Variants in GRB10 observed in about 807,000 individuals in gnomAD.
GRB10 encodes growth factor receptor bound protein 10, also known as growth factor receptor-bound protein 10.
GRB10 carries 20 observed loss-of-function variants against 80.9 expected under a neutral mutation model. That is an observed-to-expected ratio of 0.25 (90% confidence interval 0.17 to 0.36). The LOEUF (loss-of-function observed/expected upper bound fraction) is 0.36. Ranked by LOEUF, GRB10 falls within the 10% of genes least tolerant of loss-of-function variation. The pLI, the probability that GRB10 is intolerant of heterozygous loss-of-function variation, is 1.00. For synonymous variants in GRB10, 291 were observed against 291.5 expected, an observed-to-expected ratio of 1.00 and a Z score of 0.02; for missense variants, 548 against 747.7, an observed-to-expected ratio of 0.73 and a Z score of 3.12.
chr7:50,624,131 C>T (rs1266190657), intron 8 of GRB10, among the ~76,000 whole-genome samples: 3 of 152,168 alleles, frequency 2.0e-5, no homozygotes, highest in Non-Finnish European at 4.4e-5. Context: ...TAGTATCTGC[C>T]TTATAGACTT....
At chr7:50,653,227 T>C (rs2058200445) in intron 7 of GRB10, among the ~76,000 whole-genome samples, 1 of 152,066 alleles carries the variant, frequency 6.6e-6, no homozygotes. Flanking sequence ...TGGGCCCCAG[T>C]GCATGCTCCG....
At chr7:50,607,487 G>A (rs1188248110) in intron 13 of GRB10, among the ~76,000 whole-genome samples, 1 of 152,230 alleles carries the variant, frequency 6.6e-6, no homozygotes, top group Admixed American at 6.5e-5. Flanking sequence ...AAGCGGGACA[G>A]TGACAAACAT....
In GRB10 at chr7:50,693,390, C is replaced by T. The variant is rs545669718; in HGVS notation, c.139+10431G>A. Among the ~76,000 whole-genome samples, 3 of 152,314 alleles carry T rather than the reference C, an allele frequency of 2.0e-5. No homozygotes were observed. The South Asian group carries it at 6.2e-4, about 32-fold the overall frequency. ...CTTCCCCTGTTACTAGAAAGGAAAG[C>T]ATTGCACCAAATACATTGCTACAAA... On this transcript the variant is annotated intron_variant, in intron 5 of 18. Coordinates refer to ENST00000401949, the MANE Select transcript of GRB10 (RefSeq NM_001350814.2).
intron 7 of GRB10, among the ~76,000 whole-genome samples, chr7:50,639,480 C>A (rs1434222114): frequency 6.7e-6 from 1 of 149,008 alleles, no homozygotes; most frequent in South Asian, 2.1e-4. Flanking sequence ...TCGAGATCAT[C>A]CTGGCTAACA....
At chr7:50,647,981 AGT>A (rs2153614095) in intron 7 of GRB10, among the ~76,000 whole-genome samples, 1 of 152,302 alleles carries the variant, frequency 6.6e-6, no homozygotes, top group African/African-American at 2.4e-5. Flanking sequence ...TTGCGTTGGC[AGT>A]GTCTTTTAAG....
At chr7:50,628,579 T>G (rs2053430363) in intron 7 of GRB10, among the ~76,000 whole-genome samples, 5 of 126,056 alleles carry the variant, frequency 4.0e-5, no homozygotes, top group African/African-American at 1.2e-4. Context: ...GTGGTGGGGG[T>G]GGTAGAGGCG....
intron 5 of GRB10, among the ~76,000 whole-genome samples, chr7:50,693,718 G>T (rs980967927): frequency 1.5e-4 from 23 of 152,066 alleles, no homozygotes; most frequent in African/African-American, 4.8e-4. Context: ...CGGAACAAAG[G>T]CATGATGAAT....
chr7:50,760,100 G>A (rs2075591468), intron 2 of GRB10, among the ~76,000 whole-genome samples: 3 of 152,274 alleles, frequency 2.0e-5, no homozygotes, highest in Middle Eastern at 3.4e-3. Flanking sequence ...TTCCCTCTAC[G>A]GCCATGCAGA....
chr7:50,594,281 C>T (rs980826663), intron 18 of GRB10, among the ~76,000 whole-genome samples: 2 of 152,184 alleles, frequency 1.3e-5, no homozygotes, highest in African/African-American at 4.8e-5. Context: ...TGTCAGCACA[C>T]AGCAGGAAGC....
At chr7:50,688,238 C>G (rs1177252114) in intron 5 of GRB10, among the ~76,000 whole-genome samples, 2 of 152,138 alleles carry the variant, frequency 1.3e-5, no homozygotes, top group African/African-American at 2.4e-5. Flanking sequence ...TTCAGTTTTC[C>G]CAGATTTAAA....
chr7:50,618,743 C>G (rs1163523263), intron 9 of GRB10, among the ~76,000 whole-genome samples: 1 of 152,222 alleles, frequency 6.6e-6, no homozygotes, highest in Non-Finnish European at 1.5e-5. Context: ...GTGACCAGCT[C>G]AAGACACCAA....
intron 2 of GRB10, among the ~76,000 whole-genome samples, chr7:50,774,412 A>T (rs779822429): frequency 2.0e-5 from 3 of 152,218 alleles, no homozygotes; most frequent in Non-Finnish European, 4.4e-5. Context: ...TCTATTTCTC[A>T]CAGTTCTAGA....
At chr7:50,726,137 T>A (rs1357241153) in intron 4 of GRB10, 4 of 152,146 alleles carry the variant, frequency 2.6e-5, no homozygotes, top group Non-Finnish European at 5.9e-5. Context: ...CTCACCCCTA[T>A]CTATAATCCC....
chr7:50,787,352 A>G (rs898622722), upstream of GRB10, among the ~76,000 whole-genome samples: 3 of 152,242 alleles, frequency 2.0e-5, no homozygotes, highest in African/African-American at 7.2e-5. Context: ...AAGTACGTAC[A>G]GAAAAAAATC....
At chr7:50,626,650 G>A (rs1418649090) in intron 8 of GRB10, among the ~76,000 whole-genome samples, 172 bp downstream of exon 8, 1 of 152,228 alleles carries the variant, frequency 6.6e-6, no homozygotes, top group Non-Finnish European at 1.5e-5. Context: ...AGGGGCTGGA[G>A]GGAGGAGAGT....
chr7:50,597,736 G>A (rs2046917673), intron 17 of GRB10, among the ~76,000 whole-genome samples: 1 of 152,240 alleles, frequency 6.6e-6, no homozygotes, highest in Admixed American at 6.5e-5. Context: ...TATCTGAGAT[G>A]ACTGCTATGC....
rs539357747 is a variant in GRB10 at position 50,590,489 on chromosome 7, C to T, written c.*2463G>A. ...AGTGTAACAGAGCTTACCTATTAAA[C>T]TCTAATAACCAAAGCATTTGGCGTT... is the stretch of plus-strand genomic sequence containing the variant. On this transcript the variant is annotated 3_prime_UTR_variant, in exon 19 of 19. Transcript: ENST00000401949. 1 of 152,676 alleles carries T rather than the reference C, an allele frequency of 6.5e-6. No homozygotes were observed. Among genetic ancestry groups the T allele is most frequent in the East Asian group, 1.9e-4 (1 of 5,192 alleles). The allele number at this position is 152,676 out of a possible 1,614,324, so 9.5% of individuals were successfully genotyped here.
chr7:50,626,428 A>T (rs923625459), intron 8 of GRB10, among the ~76,000 whole-genome samples: 3 of 152,198 alleles, frequency 2.0e-5, no homozygotes, highest in Admixed American at 2.0e-4. Context: ...TGATCTCAGA[A>T]GGGCAGCTGC....
chr7:50,716,312 C>A (rs1265183129), intron 4 of GRB10, among the ~76,000 whole-genome samples: 2 of 152,132 alleles, frequency 1.3e-5, no homozygotes, highest in African/African-American at 2.4e-5. Context: ...TATAAGCCAG[C>A]CTCAAAAGGG....
Sources: allele counts gnomAD v4.1 joint callset (sites outside exome capture counted in the v4.1 genomes callset), GRCh38; gene constraint gnomAD v4.1.1; transcripts MANE v1.5; gene names NCBI Gene and HGNC (gene_info 2026-07-23, HGNC 2026-07-21).